SRRM2: variants seen among roughly 807,000 people sequenced by gnomAD.
The protein encoded by SRRM2 is serine/arginine repetitive matrix 2, also known as serine/arginine repetitive matrix protein 2.
SRRM2 carries 30 observed loss-of-function variants against 213.8 expected under a neutral mutation model. That is an observed-to-expected ratio of 0.14 (90% CI 0.10 to 0.19). The LOEUF (loss-of-function observed/expected upper bound fraction) is 0.19. Ranked by LOEUF, SRRM2 falls within the 10% of genes least tolerant of loss-of-function variation. The probability of loss-of-function intolerance (pLI) is 1.00; values close to 1 mark genes in which losing one functional copy is unlikely to be tolerated. For missense variants in SRRM2, 4,904 were observed against 3,647.0 expected, an observed-to-expected ratio of 1.34 and a Z score of -8.88; for synonymous variants, 2,025 against 1,377.7, an observed-to-expected ratio of 1.47 and a Z score of -10.40.
chr16:2,764,999 C>A lies in SRRM2; in HGVS notation c.4471C>A (p.Gln1491Lys). 6.2e-7 allele frequency: 1 copy of A among 1,614,068 alleles called. No individual in the cohort carries two copies. The highest frequency in any genetic ancestry group is 8.5e-7 in the Non-Finnish European group (1 of 1,180,026). The change falls in exon 11 of 15, where the codon CAG (glutamine) becomes AAG (lysine). Residue 1491 changes from glutamine to lysine, a missense_variant. By Grantham distance (53) the Gln-to-Lys change is moderately conservative. Coordinates refer to ENST00000301740, the MANE Select transcript of SRRM2 (RefSeq NM_016333.4). ...TTCCCCAGAACCGAAAGCTTTGCCT[C>A]AGACTCCTAGGCCGAGGAGTCGTTC... is the stretch of plus-strand genomic sequence containing the variant. ...DSSPEPKALP[Q>K]TPRPRSRSPS...
Position 2,771,385 on chromosome 16 carries a change from T to G in SRRM2, c.*518T>G. The G allele has an allele frequency of 6.2e-7, 1 of 1,608,100 alleles. No homozygotes were observed. Among genetic ancestry groups the G allele is most frequent in the Non-Finnish European group, 8.5e-7 (1 of 1,175,010 alleles). On this transcript the variant is annotated 3_prime_UTR_variant, in exon 15 of 15. Coordinates refer to ENST00000301740, the MANE Select transcript of SRRM2 (RefSeq NM_016333.4). ...TCTGTACAGCAAGAGCAACTTTTTCTGTCAAATAAAAATGAGAAATGCAGG... is the reference window on the plus strand; with the variant it reads ...TCTGTACAGCAAGAGCAACTTTTTCGGTCAAATAAAAATGAGAAATGCAGG...
intron 11 of SRRM2, chr16:2,768,666 G>T: frequency 1.5e-6 from 1 of 651,544 alleles, no homozygotes; most frequent in Non-Finnish European, 2.8e-6. Context: ...GCACTCACAG[G>T]GGCCTCCCCA....
Position 2,766,724 on chromosome 16 carries a change from C to G in SRRM2, c.6196C>G (p.Arg2066Gly). The change falls in exon 11 of 15, where the codon CGG becomes GGG. Residue 2066 changes from arginine (R) to glycine (G), a missense_variant. Physicochemically the swap from Arg to Gly is moderately radical, Grantham distance 125. Coordinates refer to ENST00000301740, the MANE Select transcript of SRRM2 (RefSeq NM_016333.4). The surrounding 1 kb of genome is among the most constrained non-coding windows in gnomAD (Gnocchi z 7.0). ...SRTPRTARGK[R>G]SLTRSPPAIR... ...TACTCCACGAACAGCTCGGGGTAAA[C>G]GGTCCTTAACAAGATCTCCTCCAGC... 6.2e-7 allele frequency: 1 copy of G among 1,614,194 alleles called. No homozygotes were observed. The highest frequency in any genetic ancestry group is 8.5e-7 in the Non-Finnish European group (1 of 1,180,036).
rs1455446562 is a variant in SRRM2, at chr16:2,771,252, AG to A, written c.*387del. 1 of 728,858 alleles carries A rather than the reference AG, an allele frequency of 1.4e-6. No homozygotes were observed. The highest frequency in any genetic ancestry group is 2.4e-6 in the Non-Finnish European group (1 of 419,356). 45.1% of individuals were successfully genotyped at this position (728,858 alleles called of 1,614,324 possible). A position where few individuals can be genotyped will look rare whatever the true frequency, so the allele number is the denominator to read the frequency against. ...GGAGGTTGTATAAGGTGTTCTTGGAAGGAAGGGGCAGGAGTTGGAATTAGTT... is the reference window on the plus strand; with the variant it reads ...GGAGGTTGTATAAGGTGTTCTTGGAAGAAGGGGCAGGAGTTGGAATTAGTT... On this transcript the variant is annotated 3_prime_UTR_variant, in exon 15 of 15. Transcript: ENST00000301740.
rs1473417657 is a variant in SRRM2 at position 2,758,236 on chromosome 16, C to T, written c.516-234C>T. 2.6e-5 allele frequency among the ~76,000 whole-genome samples: 4 copies of T among 152,270 alleles called. No individual in the cohort carries two copies. In the South Asian group the frequency reaches 6.2e-4, roughly 24 times the overall value. On this transcript the variant is annotated intron_variant, in intron 4 of 14. Transcript: ENST00000301740. ...AAAAAGAAAAAAAGCTGGTTGGTGG[C>T]ACATGCCTGTAGTCCAGGCTGCTTG... is the stretch of plus-strand genomic sequence containing the variant.
At position 2,761,917 on chromosome 16, in the gene SRRM2, A is replaced by T. The variant is rs2068365016; in HGVS notation, c.1389A>T (p.Ser463=). 2 of 1,613,778 alleles carry T rather than the reference A, an allele frequency of 1.2e-6. No individual in the cohort carries two copies. Among genetic ancestry groups the T allele is most frequent in the African/African-American group, 1.3e-5 (1 of 74,858 alleles). ...ISSSPTSKNR[S]HGRAKRDKSH... is the part of the protein sequence containing the mutation. ...CTTCTCCCACATCTAAGAATCGCTC[A>T]CATGGCCGAGCAAAACGGGATAAAT... Residue 463 remains serine, a synonymous_variant, in exon 11 of 15, where the codon TCA becomes TCT. Coordinates refer to ENST00000301740, the MANE Select transcript of SRRM2 (RefSeq NM_016333.4).
rs2068493076 is a variant in SRRM2 at position 2,765,103 on chromosome 16, G to C, written c.4575G>C (p.Gln1525His). 6.2e-7 allele frequency: 1 copy of C among 1,614,072 alleles called. No individual in the cohort carries two copies. The change falls in exon 11 of 15, where the codon CAG (glutamine) becomes CAC (histidine). Residue 1525 changes from glutamine (Q) to histidine (H), a missense_variant. Gln to His is a conservative substitution (Grantham distance 24). Coordinates refer to ENST00000301740, the MANE Select transcript of SRRM2 (RefSeq NM_016333.4). The stretch of plus-strand genomic sequence containing the variant: ...GCGGGTCAGAATCATCAGTTGATCA[G>C]AAAACTGTGGCTCGGACTCCCCTGG... ...ERSGSESSVD[Q>H]KTVARTPLGQ...
At chr16:2,752,872 C>T (rs1169921780) in intron 1 of SRRM2, 26 bp downstream of exon 1, 2 of 215,122 alleles carry the variant, frequency 9.3e-6, no homozygotes, top group African/African-American at 2.4e-5. Flanking sequence ...AGCCAGCGAG[C>T]CGGGTGGGGG....
chr16:2,757,356 A>G (rs988817692), intron 2 of SRRM2, 116 bp from the exon 3 acceptor site: 2 of 785,654 alleles, frequency 2.5e-6, no homozygotes, highest in Non-Finnish European at 4.2e-6. Context: ...GGGTGAGCGA[A>G]AAGTTCTGTG....
Position 2,759,120 on chromosome 16 carries a change from TC to T in SRRM2, c.657-19del. 8.1e-6 allele frequency: 13 copies of T among 1,614,120 alleles called. No homozygotes were observed. The highest frequency in any genetic ancestry group is 2.2e-5 in the East Asian group (1 of 44,876). ...AGGCAGAGGTGTTTCTTATGTTTTTTCTTCTCTTTTTTCCAACAGGTCAGAA... is the reference window on the plus strand; with the variant it reads ...AGGCAGAGGTGTTTCTTATGTTTTTTTTCTCTTTTTTCCAACAGGTCAGAA... On this transcript the variant is annotated intron_variant, in intron 6 of 14. Transcript: ENST00000301740.
chr16:2,771,319 C>A lies in SRRM2; in HGVS notation c.*452C>A, dbSNP rs768325100. The stretch of plus-strand genomic sequence containing the variant: ...CCATGAGGTTGTGAACCCCTCCCCC[C>A]AACTTTTCATGTTTCTTAAAGGCAT... On this transcript the variant is annotated 3_prime_UTR_variant, in exon 15 of 15. Transcript: ENST00000301740. 4.6e-6 allele frequency: 6 copies of A among 1,304,674 alleles called. No homozygotes were observed. The highest frequency in any genetic ancestry group is 6.6e-6 in the Non-Finnish European group (6 of 908,620). 80.8% of individuals were successfully genotyped at this position (1,304,674 alleles called of 1,614,324 possible). A position where few individuals can be genotyped will look rare whatever the true frequency, so the allele number is the denominator to read the frequency against.
In SRRM2 at chr16:2,767,533, T is replaced by C; in HGVS notation, c.7005T>C (p.Ser2335=). The change falls in exon 11 of 15, where the codon TCT becomes TCC. Residue 2335 remains serine, a synonymous_variant. Coordinates refer to ENST00000301740, the MANE Select transcript of SRRM2 (RefSeq NM_016333.4). ...CCAGAACACCACAGGCTCCAGCCTCTGCAAACCTGGTGGGTCCTCGGTCTG... is the reference window on the plus strand; with the variant it reads ...CCAGAACACCACAGGCTCCAGCCTCCGCAAACCTGGTGGGTCCTCGGTCTG... The part of the protein sequence containing the change: ...SSSRTPQAPA[S]ANLVGPRSAH... The C allele has an allele frequency of 6.2e-7, 1 of 1,614,184 alleles. No homozygotes were observed. Among genetic ancestry groups the C allele is most frequent in the Non-Finnish European group, 8.5e-7 (1 of 1,180,034 alleles).
chr16:2,767,612 GC>G lies in SRRM2; in HGVS notation c.7089del (p.Ala2364ArgfsTer56). 6.2e-7 allele frequency: 1 copy of G among 1,614,116 alleles called. No individual in the cohort carries two copies. ...CGGCTCCAGAACCGCCGCAGCCTTG[GC>G]CCCCGCGAGCCTCACCAGTGCTAGG... The part of the protein sequence containing the change: ...IAGSRTAAAL[A>X]PASLTSARMA... On this transcript the variant is annotated frameshift_variant, in exon 11 of 15. Transcript: ENST00000301740. LOFTEE classifies it high-confidence loss of function.
At position 2,763,007 on chromosome 16, in the gene SRRM2, T is replaced by C. The variant is rs2068414763; in HGVS notation, c.2479T>C (p.Ser827Pro). 3 of 1,613,768 alleles carry C rather than the reference T, an allele frequency of 1.9e-6. No homozygotes were observed. In the African/African-American group the frequency reaches 4.0e-5, roughly 22 times the overall value. Residue 827 changes from serine (S) to proline (P), a missense_variant, in exon 11 of 15, where the codon TCT becomes CCT. Coordinates refer to ENST00000301740, the MANE Select transcript of SRRM2 (RefSeq NM_016333.4). ...SSSSPPPKQK[S>P]KTPSRQSHSS... The stretch of plus-strand genomic sequence containing the variant: ...TTCTTCTCCGCCACCTAAACAGAAA[T>C]CTAAGACACCATCAAGACAAAGTCA...
chr16:2,755,688 G>C (rs1484795058), intron 1 of SRRM2, among the ~76,000 whole-genome samples: 1 of 152,226 alleles, frequency 6.6e-6, no homozygotes, highest in African/African-American at 2.4e-5. Context: ...AGGTTCATGT[G>C]TGTTTCTGAT....
rs748926559 is a variant in SRRM2, at chr16:2,758,588, A to G, written c.593+41A>G. On this transcript the variant is annotated intron_variant, in intron 5 of 14. Transcript: ENST00000301740. ...AGTGACTCTGATAGCCAGAGGACCA[A>G]TCCTGTGGTGTACCTTTCTCTCTGG... 4.5e-6 allele frequency: 7 copies of G among 1,557,952 alleles called. No homozygotes were observed. In the East Asian group the frequency reaches 9.0e-5, roughly 20 times the overall value.
Position 2,760,215 on chromosome 16 carries a change from G to A in SRRM2, c.834-86G>A, listed in dbSNP as rs2068289958. On this transcript the variant is annotated intron_variant, in intron 9 of 14. Transcript: ENST00000301740. ...GGAAGAGGGTTGTCCAGTTAGGAAA[G>A]GTGGATGGGAGTTGGGGAGGGGGTT... 48 of 1,343,864 alleles carry A rather than the reference G, an allele frequency of 3.6e-5. 1 individual carries two copies. In the South Asian group the frequency reaches 5.6e-4, roughly 16 times the overall value. 83.2% of individuals were successfully genotyped at this position (1,343,864 alleles called of 1,614,324 possible).
intron 1 of SRRM2, 56 bp downstream of exon 1, chr16:2,752,902 C>T (rs1364306195): frequency 5.3e-6 from 1 of 188,604 alleles, no homozygotes; most frequent in Non-Finnish European, 1.1e-5. Context: ...GGCCCCGGCG[C>T]GAGGCCAAAG....
Position 2,770,482 on chromosome 16 carries a change from G to C in SRRM2, c.8135+17G>C, listed in dbSNP as rs1323619421. ...CCAGCAGAGGTAAGGCCAACTGCAG[G>C]TGTCAGCACCCAGCCTGTCTGGCCG... On this transcript the variant is annotated intron_variant, in intron 13 of 14. Coordinates refer to ENST00000301740, the MANE Select transcript of SRRM2 (RefSeq NM_016333.4). 1.3e-6 allele frequency: 2 copies of C among 1,595,212 alleles called. No individual in the cohort carries two copies. Among genetic ancestry groups the C allele is most frequent in the Non-Finnish European group, 8.5e-7 (1 of 1,171,354 alleles).
Sources: allele counts gnomAD v4.1 joint callset (sites outside exome capture counted in the v4.1 genomes callset), GRCh38; gene constraint gnomAD v4.1.1; non-coding constraint Gnocchi (gnomAD v3.1); transcripts MANE v1.5; gene names NCBI Gene and HGNC (gene_info 2026-07-23, HGNC 2026-07-21).